Variants in PPP1R21 observed in about 807,000 individuals in gnomAD.
The protein encoded by PPP1R21 is protein phosphatase 1 regulatory subunit 21, also known as KLRAQ motif containing 1.
A neutral mutation model predicts 112.8 loss-of-function variants in PPP1R21; 85 were observed. The observed-to-expected ratio is 0.75, with a 90% CI of 0.63 to 0.90. PPP1R21 has a LOEUF of 0.90. Among genes scored for constraint, PPP1R21 ranks in the 40% least tolerant of loss-of-function variants. The probability of loss-of-function intolerance (pLI) is 0.00; values close to 1 mark genes in which losing one functional copy is unlikely to be tolerated. For missense variants in PPP1R21, 1,199 were observed against 901.5 expected (o/e 1.33, Z -4.23); for synonymous variants, 381 against 322.3 (o/e 1.18, Z -1.95).
chr2:48,483,434 C>T (rs756016943), intron 13 of PPP1R21, among the ~76,000 whole-genome samples: 3 of 152,028 alleles, frequency 2.0e-5, no homozygotes, highest in Admixed American at 2.0e-4. Flanking sequence ...CCGCCTGCCT[C>T]GGCCTCTCAA....
chr2:48,511,561 G>A, intron 21 of PPP1R21, 93 bp downstream of exon 21: 1 of 1,484,920 alleles, frequency 6.7e-7, no homozygotes, highest in Non-Finnish European at 9.1e-7. Flanking sequence ...GAGGACATAA[G>A]ATTTAAAGTG....
At chr2:48,456,986 A>G (rs1667755967) in intron 3 of PPP1R21, among the ~76,000 whole-genome samples, 1 of 151,774 alleles carries the variant, frequency 6.6e-6, no homozygotes, top group African/African-American at 2.4e-5. Flanking sequence ...CAGGAAGCCG[A>G]GGTTGCAGTG....
rs896124028 is a variant in PPP1R21, at chr2:48,463,994, C to T, written c.695-943C>T. Among the ~76,000 whole-genome samples, 8 of 152,132 alleles carry T rather than the reference C, an allele frequency of 5.3e-5. No homozygotes were observed. In the South Asian group the frequency reaches 1.7e-3, roughly 32 times the overall value. Reference sequence around the variant, plus strand: ...TGCCATGGGAAATAAAATAGGCACACGGCAATGAAATTGTGGATTGCTGAG... The same window carrying T: ...TGCCATGGGAAATAAAATAGGCACATGGCAATGAAATTGTGGATTGCTGAG... On this transcript the variant is annotated intron_variant, in intron 7 of 21. Coordinates refer to ENST00000294952, the MANE Select transcript of PPP1R21 (RefSeq NM_001135629.3).
chr2:48,503,953 A>G (rs76581284), intron 17 of PPP1R21, among the ~76,000 whole-genome samples: 1 of 732 alleles, frequency 1.4e-3, no homozygotes, highest in Admixed American at 8.9e-3. Flanking sequence ...ACTATGTCTC[A>G]AAAAAAAAAA....
intron 9 of PPP1R21, among the ~76,000 whole-genome samples, chr2:48,469,192 A>T (rs1279323296): frequency 6.7e-6 from 1 of 149,984 alleles, no homozygotes; most frequent in Non-Finnish European, 1.5e-5. Flanking sequence ...ACATGTAGGA[A>T]TTCTGGGAGA....
intron 19 of PPP1R21, among the ~76,000 whole-genome samples, chr2:48,509,522 A>G (rs1670536458): frequency 6.6e-6 from 1 of 151,858 alleles, no homozygotes; most frequent in Admixed American, 6.6e-5. Flanking sequence ...CCTGGACAAC[A>G]TAGTGAAACC....
chr2:48,497,159 C>T (rs1669884218), intron 16 of PPP1R21, among the ~76,000 whole-genome samples: 1 of 152,178 alleles, frequency 6.6e-6, no homozygotes, highest in African/African-American at 2.4e-5. Flanking sequence ...AGCTCACAAT[C>T]TGTGGGATCT....
rs749117417 is a variant in PPP1R21, at chr2:48,510,045, G to A, written c.2116G>A (p.Ala706Thr). 1.2e-6 allele frequency: 2 copies of A among 1,613,824 alleles called. No individual in the cohort carries two copies. Among genetic ancestry groups the A allele is most frequent in the South Asian group, 2.2e-5 (2 of 91,040 alleles). ...CRALSKRLAL[A>T]EKSKEALTEE... ...AGCACTGTCTAAAAGACTGGCCTTG[G>A]CTGAAAAGTCTAAGGAAGCATTGAC... is the stretch of plus-strand genomic sequence containing the variant. Residue 706 changes from alanine to threonine, a missense_variant, in exon 20 of 22, where the codon GCT (alanine) becomes ACT (threonine). Ala to Thr is a moderately conservative substitution (Grantham distance 58). Transcript: ENST00000294952.
At chr2:48,470,849 G>C (rs777298780) in intron 9 of PPP1R21, among the ~76,000 whole-genome samples, 4 of 152,162 alleles carry the variant, frequency 2.6e-5, no homozygotes, top group Non-Finnish European at 5.9e-5. Context: ...CCTCGATTTA[G>C]AATGGGATAG....
chr2:48,455,142 A>ATTTT (rs767494556), intron 3 of PPP1R21, among the ~76,000 whole-genome samples: 2 of 117,010 alleles, frequency 1.7e-5, no homozygotes, highest in South Asian at 2.6e-4. Context: ...CCGGCCCTGA[A>ATTTT]TTTTTTTTTT....
At position 48,498,666 on chromosome 2, in the gene PPP1R21, G is replaced by A. The variant is rs1164995221; in HGVS notation, c.1866G>A (p.Val622=). 5.0e-6 allele frequency: 8 copies of A among 1,614,256 alleles called. No homozygotes were observed. In the South Asian group the frequency reaches 7.7e-5, roughly 16 times the overall value. ...GGCTGGCCCAGGAAAATGCTGCTGTGTCAAATACTGCTGGCCAGGATGAAG... is the reference window on the plus strand; with the variant it reads ...GGCTGGCCCAGGAAAATGCTGCTGTATCAAATACTGCTGGCCAGGATGAAG... ...LVGLAQENAA[V]SNTAGQDEAT... Residue 622 remains valine, a synonymous_variant, in exon 17 of 22, where the codon GTG becomes GTA. Transcript: ENST00000294952.
At chr2:48,459,262 A>G (rs974460630) in intron 4 of PPP1R21, among the ~76,000 whole-genome samples, 1 of 152,128 alleles carries the variant, frequency 6.6e-6, no homozygotes, top group Non-Finnish European at 1.5e-5. Flanking sequence ...ATATCTAAGT[A>G]TTCACAATTC....
rs1667430643 is a variant in PPP1R21, at chr2:48,450,643, C to G, written c.58-365C>G. ...ACAAATGAATGGTGTGTCAGAATTT[C>G]AAGGAACATGGCATATTCAGTACCA... On this transcript the variant is annotated intron_variant, in intron 1 of 21. Transcript: ENST00000294952. Among the ~76,000 whole-genome samples the G allele has an allele frequency of 2.0e-5, 3 of 152,148 alleles. No individual in the cohort carries two copies. The South Asian group carries it at 6.2e-4, about 32-fold the overall frequency.
intron 17 of PPP1R21, among the ~76,000 whole-genome samples, chr2:48,505,130 T>C (rs901094283): frequency 6.6e-6 from 1 of 152,268 alleles, no homozygotes; most frequent in Non-Finnish European, 1.5e-5. Context: ...TATTCTCCTT[T>C]TGAGCTTTCA....
intron 1 of PPP1R21, among the ~76,000 whole-genome samples, chr2:48,449,470 C>T (rs1381519149): frequency 6.6e-6 from 1 of 152,158 alleles, no homozygotes; most frequent in Non-Finnish European, 1.5e-5. Flanking sequence ...TCTGCTTTCT[C>T]TTGTGGTAAT....
chr2:48,501,299 T>G (rs1490371399), intron 17 of PPP1R21, among the ~76,000 whole-genome samples: 1 of 152,228 alleles, frequency 6.6e-6, no homozygotes, highest in Non-Finnish European at 1.5e-5. Context: ...GTCTGATTTC[T>G]TCTCCCCAGC....
At chr2:48,483,816 G>A (rs1276308414) in intron 13 of PPP1R21, among the ~76,000 whole-genome samples, 3 of 152,048 alleles carry the variant, frequency 2.0e-5, no homozygotes, top group African/African-American at 4.8e-5. Flanking sequence ...CCTCCAAAAT[G>A]TCAATTTAGT....
At chr2:48,497,673 A>G (rs1029874104) in intron 16 of PPP1R21, among the ~76,000 whole-genome samples, 6 of 135,932 alleles carry the variant, frequency 4.4e-5, no homozygotes, top group Admixed American at 7.7e-5. Context: ...TTTTTTGGAG[A>G]CGGAGTCTTA....
At position 48,486,668 on chromosome 2, in the gene PPP1R21, G is replaced by C. The variant is rs1260317696; in HGVS notation, c.1356G>C (p.Glu452Asp). Residue 452 changes from glutamate to aspartate, a missense_variant, in exon 14 of 22, where the codon GAG becomes GAC. Glu to Asp is a conservative substitution (Grantham distance 45). Transcript: ENST00000294952. ...SKHYSQKAAI[E>D]HELPTATQKL... ...ATTATAGTCAAAAAGCTGCAATAGA[G>C]CATGAACTTCCAACAGCAACACAGA... 1.2e-6 allele frequency: 2 copies of C among 1,613,156 alleles called. No homozygotes were observed. Among genetic ancestry groups the C allele is most frequent in the East Asian group, 2.2e-5 (1 of 44,846 alleles).
Sources: gnomAD v4.1 joint callset for allele counts (sites outside exome capture counted in the v4.1 genomes callset) on GRCh38, gnomAD v4.1.1 for gene constraint, MANE v1.5 for transcripts, NCBI Gene and HGNC (gene_info 2026-07-23, HGNC 2026-07-21) for gene names.